Variants in DLG2 observed in about 807,000 individuals in gnomAD.
The protein encoded by DLG2 is disks large homolog 2.
A neutral mutation model predicts 132.5 loss-of-function variants in DLG2; 45 were observed. The observed-to-expected ratio is 0.34, with a 90% CI of 0.27 to 0.44. The LOEUF (loss-of-function observed/expected upper bound fraction) is 0.44. Among genes scored for constraint, DLG2 ranks in the 20% least tolerant of loss-of-function variants. The pLI is 1.00. For missense variants in DLG2, 1,045 were observed against 1,196.9 expected (o/e 0.87, Z 1.87); for synonymous variants, 424 against 419.6 (o/e 1.01, Z -0.13).
chr11:83,526,125 C>A (rs532702726), intron 21 of DLG2, among the ~76,000 whole-genome samples: 3 of 152,128 alleles, frequency 2.0e-5, no homozygotes, highest in Non-Finnish European at 4.4e-5. Flanking sequence ...CTGCCCCATC[C>A]CCTCTCTCAT....
intron 17 of DLG2, among the ~76,000 whole-genome samples, chr11:83,820,249 T>TAACTGAAAAA (rs2050396596): frequency 6.6e-6 from 1 of 152,048 alleles, no homozygotes; most frequent in African/African-American, 2.4e-5. Context: ...TGAAAAAAAG[T>TAACTGAAAAA]ATAAGAAAAG....
chr11:83,629,425 C>A (rs1436841674), intron 19 of DLG2, among the ~76,000 whole-genome samples: 3 of 152,116 alleles, frequency 2.0e-5, no homozygotes, highest in Non-Finnish European at 2.9e-5. Context: ...CTTTTACATT[C>A]TTTCCTGTGA....
chr11:83,883,043 C>T (rs1178852326), intron 15 of DLG2, among the ~76,000 whole-genome samples: 11 of 151,940 alleles, frequency 7.2e-5, no homozygotes, highest in Non-Finnish European at 1.2e-4. Context: ...ACTGGCCAAT[C>T]AAGCATGTTT....
intron 7 of DLG2, among the ~76,000 whole-genome samples, chr11:84,271,949 C>CAAA (rs71036417): frequency 0.034 from 2,671 of 77,772 alleles, 54 homozygotes; most frequent in South Asian, 0.081. Flanking sequence ...TTGATAATAA[C>CAAA]AAAAAAAAAA....
intron 18 of DLG2, among the ~76,000 whole-genome samples, chr11:83,768,008 A>AT (rs1435649160): frequency 6.6e-6 from 1 of 152,012 alleles, no homozygotes; most frequent in Admixed American, 6.6e-5. Context: ...CGTAAGTTTG[A>AT]TTTTTTCTGA....
Position 83,532,725 on chromosome 11 carries a change from C to G in DLG2, c.2176G>C (p.Val726Leu). 1 of 1,613,398 alleles carries G rather than the reference C, an allele frequency of 6.2e-7. No homozygotes were observed. Among genetic ancestry groups the G allele is most frequent in the Non-Finnish European group, 8.5e-7 (1 of 1,179,544 alleles). The change falls in exon 21 of 28, where the codon GTG becomes CTG. Residue 726 changes from valine (V) to leucine (L), a missense_variant. Physicochemically the swap from Val to Leu is conservative, Grantham distance 32. This residue lies in a region of DLG2 where 398 missense variants were observed against 543.6 expected (regional missense o/e 0.73). Coordinates refer to ENST00000376104, the MANE Select transcript of DLG2 (RefSeq NM_001142699.3). Reference sequence around the variant, plus strand: ...GTACCTACCCCTTTCGAATCAATCACTCCAGGTTTGGCATTAAACTTCACT... The same window carrying G: ...GTACCTACCCCTTTCGAATCAATCAGTCCAGGTTTGGCATTAAACTTCACT... ...KTVKFNAKPG[V>L]IDSKGSFNDK...
intron 3 of DLG2, among the ~76,000 whole-genome samples, chr11:85,354,222 T>C (rs2083515858): frequency 6.6e-6 from 1 of 152,140 alleles, no homozygotes; most frequent in Non-Finnish European, 1.5e-5. Flanking sequence ...CCAAAAATTA[T>C]CTCATGTCTT....
At chr11:83,845,514 T>C (rs889880349) in intron 16 of DLG2, among the ~76,000 whole-genome samples, 1 of 152,202 alleles carries the variant, frequency 6.6e-6, no homozygotes, top group East Asian at 1.9e-4. Context: ...TACACAAAGA[T>C]AGAGGGTTTT....
chr11:83,768,255 A>G (rs1484028527), intron 18 of DLG2, among the ~76,000 whole-genome samples: 1 of 152,194 alleles, frequency 6.6e-6, no homozygotes, highest in Non-Finnish European at 1.5e-5. Flanking sequence ...TATAGAATTT[A>G]TTAATTACGA....
intron 26 of DLG2, 66 bp from the exon 27 acceptor site, chr11:83,462,159 T>A: frequency 9.4e-7 from 1 of 1,063,562 alleles, no homozygotes; most frequent in Non-Finnish European, 1.5e-6. Flanking sequence ...AATTAAAATG[T>A]ATGGCAAAAA....
In DLG2 at chr11:84,003,103, CCA is replaced by C. The variant is rs145442431; in HGVS notation, c.920-22463_920-22462del. 5.1e-3 allele frequency among the ~76,000 whole-genome samples: 779 copies of C among 152,282 alleles called. 11 individuals carry two copies. The highest frequency in any genetic ancestry group is 0.03 in the Admixed American group (460 of 15,282). ...TTTCTAGGGCAGGGGCAAAATGCCT[CCA>C]GTCTCTTTGCTAAAGCATAGCAAGA... is the stretch of plus-strand genomic sequence containing the variant. On this transcript the variant is annotated intron_variant, in intron 11 of 27. Transcript: ENST00000376104.
At chr11:84,288,608 G>A (rs1012374744) in intron 7 of DLG2, among the ~76,000 whole-genome samples, 2 of 152,062 alleles carry the variant, frequency 1.3e-5, no homozygotes, top group Non-Finnish European at 2.9e-5. Flanking sequence ...GATCTCCAGG[G>A]CTCATGAGAT....
intron 19 of DLG2, among the ~76,000 whole-genome samples, chr11:83,614,444 A>C (rs12293731): frequency 0.19 from 28,515 of 152,110 alleles, 2,828 homozygotes; most frequent in African/African-American, 0.19. Context: ...ACAAGCTGGG[A>C]GCGATAGATC....
intron 6 of DLG2, among the ~76,000 whole-genome samples, chr11:85,063,320 C>G (rs548566218): frequency 6.6e-6 from 1 of 151,936 alleles, no homozygotes; most frequent in South Asian, 2.1e-4. Flanking sequence ...TTCTGGGGAG[C>G]CTGGCCTGCA....
intron 8 of DLG2, chr11:84,166,988 G>C (rs752507399): frequency 7.5e-6 from 4 of 533,082 alleles, no homozygotes. Context: ...GATAGTTTGG[G>C]GCCCGGAGAG....
rs143175844 is a variant in DLG2, at chr11:83,877,252, C to A, written c.1497-2764G>T. Among the ~76,000 whole-genome samples, 401 of 152,166 alleles carry A rather than the reference C, an allele frequency of 2.6e-3. 1 individual carries two copies. The highest frequency in any genetic ancestry group is 0.013 in the Admixed American group (192 of 15,274). ...TGCATCAGATTTGTAATGAGCATTT[C>A]TTTGTTTATTAGTGAGAATGACCAT... On this transcript the variant is annotated intron_variant, in intron 15 of 27. Transcript: ENST00000376104.
chr11:83,983,109 T>A (rs2092942518), intron 11 of DLG2, among the ~76,000 whole-genome samples: 2 of 152,096 alleles, frequency 1.3e-5, no homozygotes, highest in African/African-American at 4.8e-5. Flanking sequence ...GAATGTATTT[T>A]AAAAAGTTAT....
intron 10 of DLG2, among the ~76,000 whole-genome samples, chr11:84,098,550 TACA>T (rs2154178525): frequency 6.6e-6 from 1 of 152,330 alleles, no homozygotes; most frequent in African/African-American, 2.4e-5. Context: ...ATACAATATC[TACA>T]ACGTTGCTTT....
At chr11:83,745,064 G>T (rs1420688059) in intron 18 of DLG2, among the ~76,000 whole-genome samples, 1 of 152,118 alleles carries the variant, frequency 6.6e-6, no homozygotes, top group Non-Finnish European at 1.5e-5. Flanking sequence ...ACGAATCTCA[G>T]TTCTCAAACT....
Sources: allele counts gnomAD v4.1 joint callset (sites outside exome capture counted in the v4.1 genomes callset), GRCh38; gene constraint gnomAD v4.1.1; regional missense constraint gnomAD v4.1.1; transcripts MANE v1.5; gene names NCBI Gene and HGNC (gene_info 2026-07-23, HGNC 2026-07-21).